The following PSTPIP2 variants were observed in gnomAD, a reference collection of about 807,000 sequenced individuals.
The protein encoded by PSTPIP2 is proline-serine-threonine phosphatase interacting protein 2.
A neutral mutation model predicts 63.3 loss-of-function variants in PSTPIP2; 33 were observed. That is an observed-to-expected ratio of 0.52 (90% CI 0.40 to 0.70). The LOEUF (loss-of-function observed/expected upper bound fraction) is 0.70, where lower values mean the gene tolerates loss of function less well. Ranked by LOEUF, PSTPIP2 falls within the 30% of genes least tolerant of loss-of-function variation. The pLI is 0.00. For missense variants in PSTPIP2, 312 were observed against 400.7 expected (o/e 0.78, Z 1.89); for synonymous variants, 125 against 132.7 (o/e 0.94, Z 0.40).
At chr18:45,990,824 G>T in intron 12 of PSTPIP2, 68 bp from the exon 13 acceptor site, 1 of 1,335,262 alleles carries the variant, frequency 7.5e-7, no homozygotes, top group Non-Finnish European at 1.1e-6. Context: ...TTTACTTCTT[G>T]CTACAAGCCT....
chr18:46,043,661 C>T (rs1484135585), intron 1 of PSTPIP2, among the ~76,000 whole-genome samples: 2 of 151,870 alleles, frequency 1.3e-5, no homozygotes, highest in African/African-American at 2.4e-5. Flanking sequence ...CAGTGCTAGG[C>T]AAGAAAAAGA....
At chr18:46,071,750 T>TC (rs1909400544) in intron 1 of PSTPIP2, among the ~76,000 whole-genome samples, 1 of 152,144 alleles carries the variant, frequency 6.6e-6, no homozygotes, top group South Asian at 2.1e-4. Flanking sequence ...GCAGAGACTC[T>TC]CCCCGGACGG....
intron 1 of PSTPIP2, among the ~76,000 whole-genome samples, chr18:46,071,613 C>T (rs187546599): frequency 6.6e-6 from 1 of 152,266 alleles, no homozygotes; most frequent in East Asian, 1.9e-4. Context: ...AAAGGGAAGC[C>T]CTCTATGCTG....
intron 1 of PSTPIP2, among the ~76,000 whole-genome samples, chr18:46,058,103 G>C (rs1908837008): frequency 6.6e-6 from 1 of 151,902 alleles, no homozygotes; most frequent in Admixed American, 6.6e-5. Context: ...GGAAGAGATG[G>C]CTTGCTAACC....
chr18:46,026,860 G>C (rs1383113519), intron 2 of PSTPIP2, among the ~76,000 whole-genome samples: 1 of 152,098 alleles, frequency 6.6e-6, no homozygotes, highest in East Asian at 1.9e-4. Context: ...AAAGTACAAA[G>C]AAGAAAACAA....
In PSTPIP2 at chr18:45,992,212, A is replaced by G. The variant is rs201831132; in HGVS notation, c.742-10T>C. 1 of 1,567,494 alleles carries G rather than the reference A, an allele frequency of 6.4e-7. No individual in the cohort carries two copies. The highest frequency in any genetic ancestry group is 8.7e-7 in the Non-Finnish European group (1 of 1,153,892). On this transcript the variant is annotated splice_polypyrimidine_tract_variant and intron_variant, in intron 10 of 14. Coordinates refer to ENST00000409746, the MANE Select transcript of PSTPIP2 (RefSeq NM_024430.4). ...GGACTTGTTCGTACATCTAATAAAA[A>G]AAGGTCAATTAATAGGTAGAGGTAT...
chr18:46,024,987 CT>C (rs1907527289), intron 2 of PSTPIP2, among the ~76,000 whole-genome samples: 1 of 152,208 alleles, frequency 6.6e-6, no homozygotes, highest in Non-Finnish European at 1.5e-5. Context: ...CCTCCTCCAT[CT>C]TTTCTAAGAG....
chr18:46,005,112 G>C (rs1245994239), intron 6 of PSTPIP2, among the ~76,000 whole-genome samples: 1 of 152,134 alleles, frequency 6.6e-6, no homozygotes. Context: ...TGCAGGAACA[G>C]AAAACCAAAT....
chr18:45,998,994 G>A (rs544411326), intron 7 of PSTPIP2, among the ~76,000 whole-genome samples, 155 bp from the exon 8 acceptor site: 33 of 152,248 alleles, frequency 2.2e-4, no homozygotes, highest in African/African-American at 7.0e-4. Context: ...ATCATTCAAC[G>A]TGCCCTGCAA....
At chr18:46,037,189 G>A (rs1336795099) in intron 2 of PSTPIP2, among the ~76,000 whole-genome samples, 5 of 152,086 alleles carry the variant, frequency 3.3e-5, no homozygotes, top group Non-Finnish European at 5.9e-5. Flanking sequence ...TTTCACTCTT[G>A]TTGCCCAGGC....
intron 4 of PSTPIP2, 49 bp from the exon 5 acceptor site, chr18:46,011,336 T>G: frequency 7.5e-7 from 1 of 1,334,556 alleles, no homozygotes; most frequent in Non-Finnish European, 1.1e-6. Context: ...ATGTCTGAAT[T>G]AAAATATATA....
intron 6 of PSTPIP2, among the ~76,000 whole-genome samples, chr18:46,003,890 G>A (rs1289621290): frequency 6.6e-6 from 1 of 151,516 alleles, no homozygotes; most frequent in East Asian, 1.9e-4. Flanking sequence ...CCAAGTAGCT[G>A]GGATTACAGG....
At position 46,046,613 on chromosome 18, in the gene PSTPIP2, C is replaced by A. The variant is rs143149264; in HGVS notation, c.34-6566G>T. On this transcript the variant is annotated intron_variant, in intron 1 of 14. Transcript: ENST00000409746. Reference sequence around the variant, plus strand: ...ACAAAATATAAAAGGCTAAAAGAACCATCATGGTTCCTGCCTAGAGGAGCT... The same window carrying A: ...ACAAAATATAAAAGGCTAAAAGAACAATCATGGTTCCTGCCTAGAGGAGCT... Among the ~76,000 whole-genome samples, 16 of 152,284 alleles carry A rather than the reference C, an allele frequency of 1.1e-4. No individual in the cohort carries two copies. The East Asian group carries it at 3.1e-3, about 29-fold the overall frequency.
At position 46,049,642 on chromosome 18, in the gene PSTPIP2, G is replaced by A. The variant is rs56197126; in HGVS notation, c.34-9595C>T. Among the ~76,000 whole-genome samples the A allele has an allele frequency of 6.2e-3, 944 of 152,288 alleles. 8 individuals carry two copies. Among genetic ancestry groups the A allele is most frequent in the African/African-American group, 0.022 (902 of 41,566 alleles). The stretch of plus-strand genomic sequence containing the variant: ...CACGCCTGTAATCCTAGCACTTTGG[G>A]AGGCCGAAGCAGGCGGATCACTAGG... On this transcript the variant is annotated intron_variant, in intron 1 of 14. Coordinates refer to ENST00000409746, the MANE Select transcript of PSTPIP2 (RefSeq NM_024430.4).
At position 45,985,345 on chromosome 18, in the gene PSTPIP2, G is replaced by A; in HGVS notation, c.*114C>T. 9 of 1,400,940 alleles carry A rather than the reference G, an allele frequency of 6.4e-6. No individual in the cohort carries two copies. The highest frequency in any genetic ancestry group is 7.9e-6 in the Non-Finnish European group (8 of 1,014,604). 86.8% of individuals were successfully genotyped at this position (1,400,940 alleles called of 1,614,324 possible). A position where few individuals can be genotyped will look rare whatever the true frequency, so the allele number is the denominator to read the frequency against. ...TAAATCTCTAAAAAATTATAGCAAG[G>A]GTTCACTTCAAAGTCTTCATTGCTG... On this transcript the variant is annotated 3_prime_UTR_variant, in exon 15 of 15. Transcript: ENST00000409746.
intron 1 of PSTPIP2, among the ~76,000 whole-genome samples, chr18:46,050,301 G>A (rs1349855966): frequency 2.0e-5 from 3 of 152,204 alleles, no homozygotes; most frequent in Admixed American, 2.0e-4. Flanking sequence ...CAAGTGCAGT[G>A]GTTCACAATC....
intron 1 of PSTPIP2, among the ~76,000 whole-genome samples, chr18:46,064,429 T>C (rs1246770997): frequency 6.7e-6 from 1 of 148,644 alleles, no homozygotes; most frequent in East Asian, 2.0e-4. Flanking sequence ...TAGCTGGGAC[T>C]ACAGGCACCC....
chr18:46,015,884 T>TAA lies in PSTPIP2; in HGVS notation c.247+17_247+18dup. 1 of 1,551,084 alleles carries TAA rather than the reference T, an allele frequency of 6.4e-7. No homozygotes were observed. The highest frequency in any genetic ancestry group is 8.8e-7 in the Non-Finnish European group (1 of 1,134,058). On this transcript the variant is annotated intron_variant, in intron 4 of 14. Coordinates refer to ENST00000409746, the MANE Select transcript of PSTPIP2 (RefSeq NM_024430.4). Reference sequence around the variant, plus strand: ...TGTCAAGGGCAGTGAATACATTTTTTAAAAAAAAAATCACTTACGCTGCTT... The same window carrying TAA: ...TGTCAAGGGCAGTGAATACATTTTTTAAAAAAAAAAAATCACTTACGCTGCTT...
chr18:46,012,921 T>C (rs951323297), intron 4 of PSTPIP2, among the ~76,000 whole-genome samples: 10 of 152,206 alleles, frequency 6.6e-5, no homozygotes, highest in African/African-American at 2.4e-4. Context: ...ACCACTGCCA[T>C]GGTATAATAC....
Sources: gnomAD v4.1 joint callset for allele counts (sites outside exome capture counted in the v4.1 genomes callset) on GRCh38, gnomAD v4.1.1 for gene constraint, MANE v1.5 for transcripts, NCBI Gene and HGNC (gene_info 2026-07-23, HGNC 2026-07-21) for gene names.